Variants in ADAMTS17 observed in about 807,000 individuals in gnomAD.
ADAMTS17 encodes the protein ADAM metallopeptidase with thrombospondin type 1 motif 17, also known as A disintegrin and metalloproteinase with thrombospondin motifs 17.
A neutral mutation model predicts 141.5 loss-of-function variants in ADAMTS17; 113 were observed. The observed-to-expected ratio is 0.80, with a 90% CI of 0.69 to 0.93. The LOEUF (loss-of-function observed/expected upper bound fraction) is 0.93, where lower values mean the gene tolerates loss of function less well. Ranked by LOEUF, ADAMTS17 falls within the 40% of genes least tolerant of loss-of-function variation. The pLI is 0.00. For synonymous variants in ADAMTS17, 768 were observed against 630.6 expected (o/e 1.22, Z -3.27); for missense variants, 1,659 against 1,517.9 (o/e 1.09, Z -1.54).
At chr15:100,102,341 GGGGAT>G in intron 14 of ADAMTS17, among the ~76,000 whole-genome samples, 2 of 133,192 alleles carry the variant, frequency 1.5e-5, no homozygotes, top group African/African-American at 6.3e-5. Context: ...GCCGACCGAA[GGGGAT>G]CTACATTTGA....
At chr15:100,264,862 G>A (rs1025943753) in intron 4 of ADAMTS17, among the ~76,000 whole-genome samples, 7 of 152,098 alleles carry the variant, frequency 4.6e-5, no homozygotes, top group African/African-American at 1.7e-4. Context: ...TTTCCGTTTT[G>A]CAAGATAAAA....
intron 3 of ADAMTS17, among the ~76,000 whole-genome samples, chr15:100,283,779 G>A (rs532164259): frequency 1.3e-5 from 2 of 152,246 alleles, no homozygotes; most frequent in South Asian, 2.1e-4. Flanking sequence ...CAGACCAGAG[G>A]GACAGGTTGT....
At chr15:100,162,197 C>G (rs2039721246) in intron 8 of ADAMTS17, among the ~76,000 whole-genome samples, 1 of 151,948 alleles carries the variant, frequency 6.6e-6, no homozygotes, top group African/African-American at 2.4e-5. Flanking sequence ...ACTGAAGTGA[C>G]AAGCAAGTAC....
intron 3 of ADAMTS17, among the ~76,000 whole-genome samples, chr15:100,311,386 C>T (rs1054919526): frequency 2.0e-5 from 3 of 152,240 alleles, no homozygotes; most frequent in Non-Finnish European, 2.9e-5. Flanking sequence ...ATCCCTCCTC[C>T]AGCCTCAGGG....
intron 16 of ADAMTS17, among the ~76,000 whole-genome samples, chr15:100,052,314 C>T (rs999835728): frequency 2.0e-5 from 3 of 152,218 alleles, no homozygotes; most frequent in Non-Finnish European, 4.4e-5. Flanking sequence ...GTGTACACCC[C>T]AGTTTGGGGA....
intron 10 of ADAMTS17, among the ~76,000 whole-genome samples, chr15:100,134,220 G>T (rs564340791): frequency 6.6e-6 from 1 of 152,088 alleles, no homozygotes; most frequent in Admixed American, 6.5e-5. Context: ...AGAGGGTCCT[G>T]GGGGGGATGG....
chr15:100,109,032 C>A lies in ADAMTS17; in HGVS notation c.1973G>T (p.Cys658Phe). ...GCAGAGATCAGTCTCGTAGGGCCCG[C>A]AGGGTGTACCGTCCAGGACCCTGTC... ...VADRVLDGTP[C>F]GPYETDLCVH... The change falls in exon 14 of 22, where the codon TGC becomes TTC. Residue 658 changes from cysteine (C) to phenylalanine (F), a missense_variant. By Grantham distance (205) the Cys-to-Phe change is radical (BLOSUM62 -2). Coordinates refer to ENST00000268070, the MANE Select transcript of ADAMTS17 (RefSeq NM_139057.4). 6.2e-7 allele frequency: 1 copy of A among 1,614,130 alleles called. No homozygotes were observed. The highest frequency in any genetic ancestry group is 8.5e-7 in the Non-Finnish European group (1 of 1,180,036).
At chr15:100,008,510 G>T (rs7163054) in intron 18 of ADAMTS17, among the ~76,000 whole-genome samples, 2 of 152,108 alleles carry the variant, frequency 1.3e-5, no homozygotes, top group African/African-American at 4.8e-5. Context: ...AAGGAGGCCA[G>T]GGCCCGGGGG....
chr15:100,330,747 G>A (rs1032223687), intron 3 of ADAMTS17, 142 bp downstream of exon 3: 5 of 1,013,456 alleles, frequency 4.9e-6, no homozygotes, highest in Non-Finnish European at 7.3e-6. Flanking sequence ...GGAAAAGGAA[G>A]TGGTCTCAGG....
intron 18 of ADAMTS17, among the ~76,000 whole-genome samples, chr15:100,047,647 G>A (rs1314918691): frequency 6.6e-6 from 1 of 152,016 alleles, no homozygotes; most frequent in South Asian, 2.1e-4. Context: ...TCATGCCCTT[G>A]AGCTCATGCT....
At chr15:100,150,745 G>A (rs535179789) in intron 10 of ADAMTS17, among the ~76,000 whole-genome samples, 2 of 152,298 alleles carry the variant, frequency 1.3e-5, no homozygotes, top group South Asian at 4.1e-4. Flanking sequence ...GCCCTGCGGA[G>A]GACTCCACAG....
At chr15:100,075,221 T>C (rs73474487) in intron 15 of ADAMTS17, among the ~76,000 whole-genome samples, 5,936 of 152,284 alleles carry the variant, frequency 0.039, 411 homozygotes, top group African/African-American at 0.14. Context: ...TAGTTTGTCA[T>C]ATTTACTTTT....
chr15:100,118,547 G>T (rs957275782), intron 12 of ADAMTS17, among the ~76,000 whole-genome samples: 2 of 152,202 alleles, frequency 1.3e-5, no homozygotes, highest in Non-Finnish European at 2.9e-5. Flanking sequence ...GAACAGAGGG[G>T]CCTTGTGTTC....
intron 18 of ADAMTS17, among the ~76,000 whole-genome samples, chr15:100,026,538 G>T (rs956178691): frequency 6.6e-6 from 1 of 152,134 alleles, no homozygotes; most frequent in African/African-American, 2.4e-5. Flanking sequence ...TTGTGTAAAA[G>T]CAGGCACATA....
At chr15:100,215,871 G>C (rs1041964774) in intron 7 of ADAMTS17, among the ~76,000 whole-genome samples, 1 of 152,008 alleles carries the variant, frequency 6.6e-6, no homozygotes, top group African/African-American at 2.4e-5. Flanking sequence ...CTCAAACTCA[G>C]AGTTTAGGTG....
At chr15:99,987,146 C>G (rs1276911891) in intron 20 of ADAMTS17, among the ~76,000 whole-genome samples, 1 of 152,236 alleles carries the variant, frequency 6.6e-6, no homozygotes, top group East Asian at 1.9e-4. Flanking sequence ...TGCTCTTGGA[C>G]TGGCCCATTC....
chr15:100,221,283 T>C (rs1382607947), intron 7 of ADAMTS17, among the ~76,000 whole-genome samples: 1 of 152,012 alleles, frequency 6.6e-6, no homozygotes, highest in African/African-American at 2.4e-5. Flanking sequence ...CTTCACTTTT[T>C]TTTTTTTTAA....
intron 13 of ADAMTS17, among the ~76,000 whole-genome samples, chr15:100,112,004 C>A (rs1314485085): frequency 2.6e-5 from 4 of 152,224 alleles, no homozygotes; most frequent in Non-Finnish European, 5.9e-5. Context: ...TAAAAACAAA[C>A]CACCAGTTTC....
intron 14 of ADAMTS17, among the ~76,000 whole-genome samples, chr15:100,099,495 A>G (rs1472167487): frequency 1.3e-5 from 2 of 152,204 alleles, no homozygotes; most frequent in African/African-American, 4.8e-5. Context: ...GTTCCAAGAG[A>G]ACAAGATGAC....
Sources: gnomAD v4.1 joint callset for allele counts (sites outside exome capture counted in the v4.1 genomes callset) on GRCh38, gnomAD v4.1.1 for gene constraint, MANE v1.5 for transcripts, NCBI Gene and HGNC (gene_info 2026-07-23, HGNC 2026-07-21) for gene names.